Variants in NPIPB2 observed in about 807,000 individuals in gnomAD.
NPIPB2 encodes nuclear pore complex interacting protein family member B2, also known as nuclear pore complex-interacting protein family member B2.
NPIPB2 carries 27 observed loss-of-function variants against 30.8 expected under a neutral mutation model. The observed-to-expected ratio is 0.88, with a 90% confidence interval of 0.65 to 1.21. The LOEUF (loss-of-function observed/expected upper bound fraction) is 1.21. NPIPB2 is among the 50% of genes most tolerant of loss of function. The probability of loss-of-function intolerance (pLI) is 0.00; values close to 1 mark genes in which losing one functional copy is unlikely to be tolerated. For missense variants in NPIPB2, 440 were observed against 446.2 expected (o/e 0.99, Z 0.13); for synonymous variants, 147 against 162.0 (o/e 0.91, Z 0.70).
chr16:11,972,980 G>C (rs1217719410), intron 1 of NPIPB2, among the ~76,000 whole-genome samples: 1 of 151,862 alleles, frequency 6.6e-6, no homozygotes, highest in East Asian at 1.9e-4. Context: ...GGTCAACACG[G>C]AGAAATCCTA....
chr16:11,955,027 C>T (rs1034973460), intron 1 of NPIPB2, among the ~76,000 whole-genome samples: 2 of 152,082 alleles, frequency 1.3e-5, no homozygotes, highest in African/African-American at 2.4e-5. Context: ...TATACACGTA[C>T]CTACATCTGC....
intron 1 of NPIPB2, among the ~76,000 whole-genome samples, chr16:11,958,635 G>A (rs1373107257): frequency 6.6e-6 from 1 of 152,104 alleles, no homozygotes; most frequent in African/African-American, 2.4e-5. Flanking sequence ...CGGCTACTCA[G>A]GGGACTGAAG....
At chr16:11,932,699 C>A (rs2054806630) in intron 4 of NPIPB2, among the ~76,000 whole-genome samples, 1 of 111,728 alleles carries the variant, frequency 9.0e-6, no homozygotes, top group South Asian at 3.9e-4. Context: ...TCGCTTGAAC[C>A]TGGGAGGTGG....
chr16:11,947,040 T>TTATA (rs57486204), upstream of NPIPB2, among the ~76,000 whole-genome samples: 8,341 of 139,646 alleles, frequency 0.06, 581 homozygotes, highest in African/African-American at 0.17. Flanking sequence ...ACTATTTGAA[T>TTATA]TATATATATA....
intron 2 of NPIPB2, among the ~76,000 whole-genome samples, chr16:11,934,845 G>A (rs1431118294): frequency 6.3e-5 from 7 of 111,400 alleles, no homozygotes; most frequent in Non-Finnish European, 9.8e-5. Flanking sequence ...GTGACAGAGT[G>A]AGACTCTGTC....
intron 2 of NPIPB2, among the ~76,000 whole-genome samples, chr16:11,935,591 G>C (rs1336028292): frequency 6.6e-6 from 1 of 152,090 alleles, no homozygotes; most frequent in Non-Finnish European, 1.5e-5. Context: ...TGGGATTACA[G>C]GCATGAGCCA....
intron 1 of NPIPB2, chr16:11,956,271 TCTGTGGG>T (rs2055111929): frequency 6.6e-6 from 1 of 152,186 alleles, no homozygotes; most frequent in South Asian, 2.1e-4. Context: ...TGAACCTGGC[TCTGTGGG>T]CTCTTAGTGG....
At chr16:11,959,010 G>C (rs1011899198) in intron 1 of NPIPB2, among the ~76,000 whole-genome samples, 1 of 152,194 alleles carries the variant, frequency 6.6e-6, no homozygotes, top group Non-Finnish European at 1.5e-5. Flanking sequence ...GAGGGGTTTA[G>C]TTTGCCCCTG....
chr16:11,970,378 A>C (rs1031713504), intron 1 of NPIPB2, among the ~76,000 whole-genome samples: 1 of 150,778 alleles, frequency 6.6e-6, no homozygotes, highest in South Asian at 2.2e-4. Context: ...ATGCTCAGCT[A>C]GTTTTGGTAT....
rs1354881889 is a variant in NPIPB2, at chr16:11,966,326, G to A, written c.-584+10242C>T. ...GATAAACTCTGAACCATTAAAGGAC[G>A]AGTTTAAAAACACAGGTTGGTTTGA... is the stretch of plus-strand genomic sequence containing the variant. On this transcript the variant is annotated intron_variant, in intron 1 of 5. Transcript: ENST00000538896. 6 of 1,612,012 alleles carry A rather than the reference G, an allele frequency of 3.7e-6. No homozygotes were observed. In the Admixed American group the frequency reaches 5.0e-5, roughly 14 times the overall value.
At chr16:11,956,333 A>G (rs979769223) in intron 1 of NPIPB2, 2 of 152,170 alleles carry the variant, frequency 1.3e-5, no homozygotes, top group Admixed American at 6.6e-5. Context: ...ACATTGCACT[A>G]AAAAATGAAC....
At chr16:11,934,553 CAAA>C (rs1184843851) in intron 2 of NPIPB2, among the ~76,000 whole-genome samples, 129 of 73,010 alleles carry the variant, frequency 1.8e-3, no homozygotes, top group Non-Finnish European at 2.0e-3. Context: ...AACTCTGTCT[CAAA>C]AAAAAAAAAA....
At chr16:11,946,023 A>C (rs964508540), upstream of NPIPB2, among the ~76,000 whole-genome samples, 2 of 112,246 alleles carry the variant, frequency 1.8e-5, no homozygotes, top group Non-Finnish European at 4.1e-5. Context: ...TGGCTTCTAC[A>C]AAAAAAAAAA....
In NPIPB2 at chr16:11,965,506, T is replaced by C. The variant is rs769967314; in HGVS notation, c.-584+11062A>G. On this transcript the variant is annotated intron_variant, in intron 1 of 5. Coordinates refer to the NPIPB2 transcript ENST00000538896. ...TCATTGGTGTGAACTATTCTGTCTA[T>C]ATGGACTGCTTATTCAGAGAATCAA... 20 of 1,570,104 alleles carry C rather than the reference T, an allele frequency of 1.3e-5. No individual in the cohort carries two copies. In the Admixed American group the frequency reaches 3.1e-4, roughly 25 times the overall value.
chr16:11,932,666 C>G (rs1420095130), intron 4 of NPIPB2, among the ~76,000 whole-genome samples: 1 of 128,618 alleles, frequency 7.8e-6, no homozygotes, highest in South Asian at 3.0e-4. Context: ...GTCCCAGCTA[C>G]TCAAGAGGCT....
chr16:11,960,808 C>G (rs1355054720), intron 1 of NPIPB2, among the ~76,000 whole-genome samples: 1 of 152,082 alleles, frequency 6.6e-6, no homozygotes, highest in Non-Finnish European at 1.5e-5. Flanking sequence ...TGACTCCACT[C>G]CCTAACTCAG....
Position 11,954,337 on chromosome 16 carries a change from G to A in NPIPB2, c.-583-12223C>T, listed in dbSNP as rs578080501. ...CCCCATCTCTGAAAAAAAATTAGCCGGTCGTGGTTGCAAGCCTATAATCCC... is the reference window on the plus strand; with the variant it reads ...CCCCATCTCTGAAAAAAAATTAGCCAGTCGTGGTTGCAAGCCTATAATCCC... On this transcript the variant is annotated intron_variant, in intron 1 of 5. Transcript: ENST00000538896. 4.0e-4 allele frequency among the ~76,000 whole-genome samples: 60 copies of A among 151,898 alleles called. No individual in the cohort carries two copies. The East Asian group carries it at 8.0e-3, about 20-fold the overall frequency.
intron 1 of NPIPB2, among the ~76,000 whole-genome samples, chr16:11,972,127 GA>G (rs1418515476): frequency 6.6e-6 from 1 of 151,440 alleles, no homozygotes; most frequent in Non-Finnish European, 1.5e-5. Flanking sequence ...CAGCCCAGGC[GA>G]CAATGCGAGA....
upstream of NPIPB2, chr16:11,942,214 A>C (rs1366807076): frequency 1.5e-6 from 1 of 682,782 alleles, no homozygotes; most frequent in African/African-American, 1.8e-5. Flanking sequence ...ATCTCAATAT[A>C]TTTGAGAGCA....
Sources: gnomAD v4.1 joint callset for allele counts (sites outside exome capture counted in the v4.1 genomes callset) on GRCh38, gnomAD v4.1.1 for gene constraint, MANE v1.5 for transcripts, NCBI Gene and HGNC (gene_info 2026-07-23, HGNC 2026-07-21) for gene names.